Variants in COL18A1 observed in about 807,000 individuals in gnomAD.
COL18A1 encodes collagen alpha-1(XVIII) chain.
COL18A1 carries 133 observed loss-of-function variants against 168.0 expected under a neutral mutation model. That is an observed-to-expected ratio of 0.79 (90% CI 0.69 to 0.91). The LOEUF (loss-of-function observed/expected upper bound fraction) is 0.91. Ranked by LOEUF, COL18A1 falls within the 40% of genes least tolerant of loss-of-function variation. The probability of loss-of-function intolerance (pLI) is 0.00; values close to 1 mark genes in which losing one functional copy is unlikely to be tolerated. For synonymous variants in COL18A1, 949 were observed against 809.0 expected (o/e 1.17, Z -2.94); for missense variants, 2,126 against 1,925.4 (o/e 1.10, Z -1.95).
chr21:45,456,462 C>G, intron 2 of COL18A1: 1 of 1,545,526 alleles, frequency 6.5e-7, no homozygotes, highest in Non-Finnish European at 8.8e-7. Context: ...GTGGCTAACT[C>G]TGTGGGGCCG....
Position 45,443,997 on chromosome 21 carries a change from G to GAT in COL18A1, c.107-24245_107-24244insAT, listed in dbSNP as rs2034450239. On this transcript the variant is annotated intron_variant, in intron 2 of 41. Transcript: ENST00000651438. This position sits in a 1 kb window ranked among gnomAD's most constrained non-coding sequence, Gnocchi z 5.2. ...TAGGTGTCTGGCCCTACCACTGGGG[G>GAT]GCCATGTTGCCACGCAAGAATTCAG... Among the ~76,000 whole-genome samples the GAT allele has an allele frequency of 1.3e-5, 2 of 152,184 alleles. No homozygotes were observed. The highest frequency in any genetic ancestry group is 1.3e-4 in the Admixed American group (2 of 15,292).
chr21:45,491,607 T>C (rs538252488), intron 22 of COL18A1, among the ~76,000 whole-genome samples: 1 of 151,726 alleles, frequency 6.6e-6, no homozygotes, highest in African/African-American at 2.4e-5. Context: ...TCCTTGACAC[T>C]GTGGCCCCAA....
chr21:45,495,695 C>T lies in COL18A1; in HGVS notation c.2508+263C>T, dbSNP rs1355060488. On this transcript the variant is annotated intron_variant, in intron 29 of 41. Coordinates refer to ENST00000651438, the MANE Select transcript of COL18A1 (RefSeq NM_001379500.1). ...ACACATGCATCTATGCACATACATG[C>T]CCATACACACGCGCACACATACACG... is the stretch of plus-strand genomic sequence containing the variant. 4.8e-5 allele frequency: 22 copies of T among 461,670 alleles called. No homozygotes were observed. The East Asian group carries it at 6.0e-4, about 13-fold the overall frequency. 28.6% of individuals were successfully genotyped at this position (461,670 alleles called of 1,614,324 possible).
chr21:45,434,246 A>T (rs986494004), intron 2 of COL18A1, among the ~76,000 whole-genome samples: 4 of 152,186 alleles, frequency 2.6e-5, no homozygotes, highest in African/African-American at 9.7e-5. Flanking sequence ...GTGGCAGGGC[A>T]GGACAGAAGC....
intron 13 of COL18A1, 36 bp from the exon 14 acceptor site, chr21:45,481,927 T>G (rs1408711794): frequency 6.7e-7 from 1 of 1,487,514 alleles, no homozygotes; most frequent in Middle Eastern, 1.7e-4. Context: ...AGTGGCCGAA[T>G]GCCATCAAGA....
intron 2 of COL18A1, chr21:45,456,535 G>T (rs1387937441): frequency 1.9e-6 from 3 of 1,547,782 alleles, no homozygotes; most frequent in Non-Finnish European, 2.6e-6. Flanking sequence ...GTCGCTGCCT[G>T]CCCCTGCCAC....
intron 38 of COL18A1, 93 bp from the exon 39 acceptor site, chr21:45,509,247 TGCCAGTTCAGAGCCCA>T: frequency 1.4e-6 from 2 of 1,444,032 alleles, no homozygotes; most frequent in Non-Finnish European, 1.9e-6. Flanking sequence ...GCTCCCTGCT[TGCCAGTTCAGAGCCCA>T]GCCCCTCTCA....
intron 37 of COL18A1, chr21:45,507,056 G>C (rs1378342078): frequency 3.0e-6 from 1 of 328,360 alleles, no homozygotes; most frequent in Non-Finnish European, 6.1e-6. Flanking sequence ...CCTAGCAAAC[G>C]CGTGCTGGGA....
intron 2 of COL18A1, among the ~76,000 whole-genome samples, chr21:45,430,087 C>T (rs879669103): frequency 2.0e-5 from 3 of 149,526 alleles, no homozygotes; most frequent in Admixed American, 1.3e-4. Flanking sequence ...TTTGGGGGCC[C>T]CCATCTCCCT....
rs142726108 is a variant in COL18A1, at chr21:45,482,789, G to A, written c.1675-6G>A. On this transcript the variant is annotated splice_polypyrimidine_tract_variant and splice_region_variant and intron_variant, in intron 14 of 41. Transcript: ENST00000651438. ...TTTTGTCATAATCCTGCTCTTTTCC[G>A]TACAGGGTGAAGCAGGCGCCCCAGG... The A allele has an allele frequency of 2.5e-3, 4,030 of 1,614,160 alleles. 18 individuals carry two copies. The highest frequency in any genetic ancestry group is 0.012 in the Middle Eastern group (71 of 6,062).
In COL18A1 at chr21:45,477,469, T is replaced by TG. The variant is rs2035718735; in HGVS notation, c.992dup (p.Arg332ProfsTer81). On this transcript the variant is annotated frameshift_variant, in exon 7 of 42. Coordinates refer to ENST00000651438, the MANE Select transcript of COL18A1 (RefSeq NM_001379500.1). LOFTEE classifies it high-confidence loss of function. ...CGTGGGACGGGAGTGTCCGGACCCC[T>TG]GGGGGCCGCGTGAAAGAGGTAAGGC... 6.2e-7 allele frequency: 1 copy of TG among 1,611,668 alleles called. No individual in the cohort carries two copies. Among genetic ancestry groups the TG allele is most frequent in the Non-Finnish European group, 8.5e-7 (1 of 1,179,018 alleles).
intron 2 of COL18A1, among the ~76,000 whole-genome samples, chr21:45,442,000 G>C (rs764323562): frequency 6.6e-6 from 1 of 152,240 alleles, no homozygotes; most frequent in Non-Finnish European, 1.5e-5. Context: ...TGTGCATCTT[G>C]TGTGCTTCTC....
At position 45,424,885 on chromosome 21, in the gene COL18A1, T is replaced by G. The variant is rs914714404; in HGVS notation, c.106+19412T>G. Reference sequence around the variant, plus strand: ...CGCCCGCGCCTCTTTCTCCCAGACCTGAGCCACCGCTGCCAGGATCCTTCC... The same window carrying G: ...CGCCCGCGCCTCTTTCTCCCAGACCGGAGCCACCGCTGCCAGGATCCTTCC... On this transcript the variant is annotated intron_variant, in intron 2 of 41. Coordinates refer to ENST00000651438, the MANE Select transcript of COL18A1 (RefSeq NM_001379500.1). 2.0e-5 allele frequency: 3 copies of G among 152,368 alleles called. No homozygotes were observed. The East Asian group carries it at 5.8e-4, about 29-fold the overall frequency. The allele number at this position is 152,368 out of a possible 1,614,324, so 9.4% of individuals were successfully genotyped here.
At chr21:45,495,715 T>TAC (rs138241136) in intron 29 of COL18A1, 204,050 of 429,082 alleles carry the variant, frequency 0.48, 50,156 homozygotes, top group African/African-American at 0.67. Context: ...CGCGCACACA[T>TAC]ACACGCACAC....
intron 2 of COL18A1, 59 bp from the exon 3 acceptor site, chr21:45,468,183 T>C: frequency 6.3e-7 from 1 of 1,593,012 alleles, no homozygotes; most frequent in Non-Finnish European, 8.6e-7. Context: ...CCAGGCCGCG[T>C]CGGTGGCCCC....
intron 9 of COL18A1, among the ~76,000 whole-genome samples, chr21:45,479,540 C>T (rs2035816602): frequency 2.0e-5 from 3 of 147,980 alleles, no homozygotes; most frequent in Admixed American, 2.0e-4. Context: ...TGCACACTCA[C>T]ACATCACACA....
chr21:45,496,926 T>G, intron 30 of COL18A1, 124 bp from the exon 31 acceptor site: 2 of 732,220 alleles, frequency 2.7e-6, no homozygotes, highest in South Asian at 2.9e-5. Context: ...CGTCTCTGAC[T>G]GGGGGAGGCT....
At chr21:45,406,896 C>T (rs2033128861) in intron 2 of COL18A1, among the ~76,000 whole-genome samples, 1 of 152,246 alleles carries the variant, frequency 6.6e-6, no homozygotes, top group South Asian at 2.1e-4. Flanking sequence ...TCAGTGCAGG[C>T]CTCAGCAGGG....
intron 38 of COL18A1, among the ~76,000 whole-genome samples, 194 bp from the exon 39 acceptor site, chr21:45,509,162 G>C (rs1320866206): frequency 6.6e-6 from 1 of 152,032 alleles, no homozygotes; most frequent in African/African-American, 2.4e-5. Flanking sequence ...CCCGCGATCC[G>C]GCGCCACGGC....
Sources: allele counts gnomAD v4.1 joint callset (sites outside exome capture counted in the v4.1 genomes callset), GRCh38; gene constraint gnomAD v4.1.1; non-coding constraint Gnocchi (gnomAD v3.1); transcripts MANE v1.5; gene names NCBI Gene and HGNC (gene_info 2026-07-23, HGNC 2026-07-21).